Variants in MYZAP observed in about 807,000 individuals in gnomAD.
The protein encoded by MYZAP is myocardial zonula adherens protein.
In MYZAP, 66 loss-of-function variants were observed where a neutral mutation model predicts 69.4. The observed-to-expected ratio is 0.95, with a 90% CI of 0.78 to 1.17. The LOEUF is 1.17. MYZAP is among the 50% of genes most tolerant of loss of function. The probability of loss-of-function intolerance (pLI) is 0.00; values close to 1 mark genes in which losing one functional copy is unlikely to be tolerated. For synonymous variants in MYZAP, 256 were observed against 205.9 expected, an observed-to-expected ratio of 1.24 and a Z score of -2.09; for missense variants, 611 against 556.2, an observed-to-expected ratio of 1.10 and a Z score of -0.99.
At chr15:57,595,804 T>C (rs944805309) in intron 1 of MYZAP, among the ~76,000 whole-genome samples, 1 of 152,184 alleles carries the variant, frequency 6.6e-6, no homozygotes, top group Admixed American at 6.5e-5. Flanking sequence ...GACTATCTCC[T>C]AGCCTGCCCT....
intron 6 of MYZAP, among the ~76,000 whole-genome samples, chr15:57,630,172 T>A (rs1289906483): frequency 1.3e-5 from 2 of 152,192 alleles, no homozygotes; most frequent in Non-Finnish European, 2.9e-5. Context: ...TTCACCATGT[T>A]GGCCAGGCTG....
At chr15:57,677,453 A>G (rs1396951576) in intron 12 of MYZAP, among the ~76,000 whole-genome samples, 1 of 152,214 alleles carries the variant, frequency 6.6e-6, no homozygotes, top group Non-Finnish European at 1.5e-5. Flanking sequence ...GGCCTTCTTG[A>G]GTCTTGGTGC....
intron 4 of MYZAP, among the ~76,000 whole-genome samples, chr15:57,622,970 A>C (rs1045919127): frequency 6.6e-6 from 1 of 152,226 alleles, no homozygotes; most frequent in African/African-American, 2.4e-5. Flanking sequence ...TGAATATTGA[A>C]AGATCCCCCA....
chr15:57,654,381 C>T (rs1342974722), intron 10 of MYZAP, among the ~76,000 whole-genome samples: 5 of 152,076 alleles, frequency 3.3e-5, no homozygotes, highest in African/African-American at 1.2e-4. Flanking sequence ...GGAGTTGATT[C>T]TACACATGAC....
At chr15:57,636,362 T>A (rs1313788207) in intron 8 of MYZAP, among the ~76,000 whole-genome samples, 2 of 152,266 alleles carry the variant, frequency 1.3e-5, no homozygotes, top group Non-Finnish European at 2.9e-5. Flanking sequence ...GATAATATAT[T>A]CTTCCTGCTT....
At chr15:57,652,326 G>T (rs1595912347) in intron 10 of MYZAP, among the ~76,000 whole-genome samples, 1 of 152,036 alleles carries the variant, frequency 6.6e-6, no homozygotes, top group African/African-American at 2.4e-5. Context: ...CTTTCATGCT[G>T]CATTAGTGCA....
chr15:57,596,035 G>A (rs1295945189), intron 1 of MYZAP, among the ~76,000 whole-genome samples: 1 of 152,184 alleles, frequency 6.6e-6, no homozygotes, highest in Non-Finnish European at 1.5e-5. Context: ...AAAAAGAGGT[G>A]CCCAGCTCTA....
chr15:57,681,549 C>T (rs1196967992), intron 12 of MYZAP, among the ~76,000 whole-genome samples: 3 of 152,044 alleles, frequency 2.0e-5, no homozygotes, highest in Non-Finnish European at 4.4e-5. Context: ...TTTGGGAGGC[C>T]GAGTTGGGCG....
chr15:57,625,312 G>C (rs757886164), intron 4 of MYZAP, among the ~76,000 whole-genome samples: 2 of 152,184 alleles, frequency 1.3e-5, no homozygotes, highest in Non-Finnish European at 2.9e-5. Flanking sequence ...GACCTCAGGT[G>C]ATCCGACCGC....
chr15:57,598,457 A>G (rs375030882), intron 1 of MYZAP, among the ~76,000 whole-genome samples: 42 of 152,306 alleles, frequency 2.8e-4, no homozygotes, highest in South Asian at 1.9e-3. Context: ...GCGAGCGCCC[A>G]TCATGTGTTG....
chr15:57,646,242 T>G, intron 10 of MYZAP: 3 of 1,289,124 alleles, frequency 2.3e-6, no homozygotes, highest in Non-Finnish European at 2.0e-6. Flanking sequence ...TGTTCGTGAT[T>G]AGAAGAACAC....
At chr15:57,628,811 G>A (rs1041960023) in intron 5 of MYZAP, among the ~76,000 whole-genome samples, 2 of 152,062 alleles carry the variant, frequency 1.3e-5, no homozygotes, top group South Asian at 2.1e-4. Context: ...GAGGCCGGGC[G>A]TGGTGGCTCA....
At chr15:57,646,095 C>G in intron 10 of MYZAP, 1 of 1,243,498 alleles carries the variant, frequency 8.0e-7, no homozygotes, top group Non-Finnish European at 1.1e-6. Flanking sequence ...AGCCATAGCA[C>G]CAAGCCCACA....
At chr15:57,626,532 C>T (rs2036146717) in intron 5 of MYZAP, among the ~76,000 whole-genome samples, 1 of 152,140 alleles carries the variant, frequency 6.6e-6, no homozygotes, top group African/African-American at 2.4e-5. Flanking sequence ...TTACAAGTCC[C>T]CTAACATGCA....
chr15:57,652,856 A>G (rs2037796654), intron 10 of MYZAP, among the ~76,000 whole-genome samples: 1 of 152,214 alleles, frequency 6.6e-6, no homozygotes. Context: ...TCAAATTTTC[A>G]AATAACGTGA....
At chr15:57,596,391 A>G (rs11071335) in intron 1 of MYZAP, among the ~76,000 whole-genome samples, 15,224 of 152,178 alleles carry the variant, frequency 0.1, 878 homozygotes, top group South Asian at 0.16. Context: ...GGGCTGACTA[A>G]CTAGAGACCA....
At chr15:57,609,138 G>T (rs1294498474) in intron 2 of MYZAP, among the ~76,000 whole-genome samples, 1 of 152,188 alleles carries the variant, frequency 6.6e-6, no homozygotes, top group Non-Finnish European at 1.5e-5. Context: ...CACACACAGA[G>T]AAATGAGGTT....
chr15:57,649,284 T>C (rs1244415591), intron 10 of MYZAP, among the ~76,000 whole-genome samples: 1 of 152,206 alleles, frequency 6.6e-6, no homozygotes, highest in Non-Finnish European at 1.5e-5. Flanking sequence ...TATTGCCCAA[T>C]CGCTGCCCAC....
Position 57,592,001 on chromosome 15 carries a change from C to T in MYZAP, c.-34C>T, listed in dbSNP as rs866723396. ...CGCTTATTCTGCCCGGGAGGAACGC[C>T]GGCGTCCAGCCCGCTACCGACCGCC... On this transcript the variant is annotated 5_prime_UTR_variant, in exon 1 of 13. Coordinates refer to ENST00000267853, the MANE Select transcript of MYZAP (RefSeq NM_001018100.5). 1.8e-5 allele frequency: 25 copies of T among 1,417,074 alleles called. No homozygotes were observed. The highest frequency in any genetic ancestry group is 1.0e-4 in the South Asian group (7 of 68,514). 87.8% of individuals were successfully genotyped at this position (1,417,074 alleles called of 1,614,324 possible). A position where few individuals can be genotyped will look rare whatever the true frequency, so the allele number is the denominator to read the frequency against.
Sources: allele counts gnomAD v4.1 joint callset (sites outside exome capture counted in the v4.1 genomes callset), GRCh38; gene constraint gnomAD v4.1.1; transcripts MANE v1.5; gene names NCBI Gene and HGNC (gene_info 2026-07-23, HGNC 2026-07-21).